Variants in FANCC observed in about 807,000 individuals in gnomAD.
FANCC encodes the protein FA complementation group C.
FANCC carries 55 observed loss-of-function variants against 71.3 expected under a neutral mutation model. That is an observed-to-expected ratio of 0.77 (90% CI 0.62 to 0.97). FANCC has a LOEUF of 0.97. Among genes scored for constraint, FANCC ranks in the 50% least tolerant of loss-of-function variants. The pLI is 0.00. For synonymous variants in FANCC, 275 were observed against 244.9 expected, an observed-to-expected ratio of 1.12 and a Z score of -1.15; for missense variants, 678 against 670.9, an observed-to-expected ratio of 1.01 and a Z score of -0.12.
intron 1 of FANCC, among the ~76,000 whole-genome samples, chr9:95,280,142 C>A (rs1210672513): frequency 2.0e-5 from 3 of 151,840 alleles, no homozygotes; most frequent in African/African-American, 7.2e-5. Context: ...TGTGGCTATA[C>A]TGATATTAAA....
intron 7 of FANCC, among the ~76,000 whole-genome samples, chr9:95,146,316 G>A (rs995784088): frequency 6.6e-6 from 1 of 151,346 alleles, no homozygotes; most frequent in Admixed American, 6.6e-5. Context: ...GTGAAATGCC[G>A]TCTCTACCGA....
chr9:95,284,860 T>TCACA (rs1180807258), intron 1 of FANCC, among the ~76,000 whole-genome samples: 3 of 125,562 alleles, frequency 2.4e-5, no homozygotes, highest in East Asian at 2.7e-4. Context: ...CTCCTCTCTC[T>TCACA]CACACACACA....
chr9:95,099,641 C>A lies in FANCC; in HGVS notation c.*2066G>T. The A allele has an allele frequency of 4.3e-6, 1 of 231,512 alleles. No homozygotes were observed. Among genetic ancestry groups the A allele is most frequent in the South Asian group, 1.8e-4 (1 of 5,498 alleles). 14.3% of individuals were successfully genotyped at this position (231,512 alleles called of 1,614,324 possible). A position where few individuals can be genotyped will look rare whatever the true frequency, so the allele number is the denominator to read the frequency against. ...TCTCAGGCTGGGAAAGGGCAAAGGG[C>A]CACATGAAGCCAGCAGGCACTTCAG... is the stretch of plus-strand genomic sequence containing the variant. On this transcript the variant is annotated 3_prime_UTR_variant, in exon 15 of 15. Coordinates refer to ENST00000289081, the MANE Select transcript of FANCC (RefSeq NM_000136.3).
At chr9:95,140,937 G>A (rs150762105) in intron 7 of FANCC, among the ~76,000 whole-genome samples, 4 of 152,126 alleles carry the variant, frequency 2.6e-5, no homozygotes, top group East Asian at 3.9e-4. Context: ...GCAATTACAC[G>A]TCAATATAAG....
intron 4 of FANCC, among the ~76,000 whole-genome samples, chr9:95,178,500 C>T (rs1189193897): frequency 3.9e-5 from 6 of 152,228 alleles, no homozygotes; most frequent in African/African-American, 1.2e-4. Flanking sequence ...AACGACCTTC[C>T]GGTCTCTTCC....
At chr9:95,253,609 A>G (rs1215319617) in intron 1 of FANCC, among the ~76,000 whole-genome samples, 4 of 152,138 alleles carry the variant, frequency 2.6e-5, no homozygotes, top group African/African-American at 7.2e-5. Context: ...GGTGTCTGAC[A>G]TTAACTTGGA....
Position 95,294,886 on chromosome 9 carries a change from G to A in FANCC, c.-79+22640C>T. ...TTAAAACTACGGACGGGGGACAACA[G>A]TATTAATTCGATTGAATGTGGCTGA... On this transcript the variant is annotated intron_variant, in intron 1 of 14. Transcript: ENST00000289081. 4 of 1,312,960 alleles carry A rather than the reference G, an allele frequency of 3.0e-6. No individual in the cohort carries two copies. In the South Asian group the frequency reaches 7.3e-5, roughly 24 times the overall value. 81.3% of individuals were successfully genotyped at this position (1,312,960 alleles called of 1,614,324 possible). A position where few individuals can be genotyped will look rare whatever the true frequency, so the allele number is the denominator to read the frequency against.
chr9:95,177,628 T>C (rs926678965), intron 4 of FANCC, among the ~76,000 whole-genome samples: 1 of 152,242 alleles, frequency 6.6e-6, no homozygotes, highest in Non-Finnish European at 1.5e-5. Context: ...TCTTTCACTA[T>C]ATCCTTATAT....
At chr9:95,128,923 T>C (rs1032919053) in intron 8 of FANCC, among the ~76,000 whole-genome samples, 1 of 151,084 alleles carries the variant, frequency 6.6e-6, no homozygotes, top group African/African-American at 2.5e-5. Context: ...TTTTTTTTTT[T>C]GAGACAGGGT....
At chr9:95,165,304 G>A (rs1831003888) in intron 6 of FANCC, among the ~76,000 whole-genome samples, 1 of 150,588 alleles carries the variant, frequency 6.6e-6, no homozygotes, top group African/African-American at 2.4e-5. Context: ...GGTTTAGTTT[G>A]TTCTTTTTCT....
intron 4 of FANCC, among the ~76,000 whole-genome samples, chr9:95,181,159 TTGTGTGTGTGTGTGTG>T (rs10692344): frequency 6.7e-6 from 1 of 148,344 alleles, no homozygotes; most frequent in Admixed American, 6.7e-5. Flanking sequence ...CACGTACACA[TTGTGTGTGTGTGTGTG>T]TGTGTGTGTG....
rs66627467 is a variant in FANCC at position 95,141,311 on chromosome 9, C to CAAAA, written c.687-5813_687-5810dup. 6.2e-4 allele frequency among the ~76,000 whole-genome samples: 34 copies of CAAAA among 54,882 alleles called. 1 individual carries two copies. In the East Asian group the frequency reaches 0.019, roughly 31 times the overall value. The allele number at this position is 54,882 out of a possible 152,430, so 36.0% of individuals were successfully genotyped here. ...TGGGTGACAGAGTGAGACCCTGTCT[C>CAAAA]AAAAAAAAAAAAAAAAAAAAAAAAA... On this transcript the variant is annotated intron_variant, in intron 7 of 14. Coordinates refer to ENST00000289081, the MANE Select transcript of FANCC (RefSeq NM_000136.3).
At chr9:95,197,057 A>G (rs1185670087) in intron 4 of FANCC, among the ~76,000 whole-genome samples, 1 of 152,104 alleles carries the variant, frequency 6.6e-6, no homozygotes, top group Non-Finnish European at 1.5e-5. Context: ...GTGTCACTTG[A>G]TTTCTGAGTT....
At chr9:95,104,086 G>A (rs2071258545) in intron 14 of FANCC, among the ~76,000 whole-genome samples, 1 of 152,150 alleles carries the variant, frequency 6.6e-6, no homozygotes, top group South Asian at 2.1e-4. Flanking sequence ...ACCTGCTCGT[G>A]GGCCAAGCAG....
chr9:95,296,505 T>TC (rs1834386156), intron 1 of FANCC, among the ~76,000 whole-genome samples: 1 of 150,176 alleles, frequency 6.7e-6, no homozygotes, highest in East Asian at 1.9e-4. Flanking sequence ...TTGTTAGGCT[T>TC]TTTTTTTTAA....
At chr9:95,145,075 C>T (rs898141398) in intron 7 of FANCC, among the ~76,000 whole-genome samples, 5 of 152,146 alleles carry the variant, frequency 3.3e-5, no homozygotes, top group Admixed American at 1.3e-4. Flanking sequence ...TTAAATCTCA[C>T]TTTCACAAAA....
Position 95,247,510 on chromosome 9 carries a change from TA to T in FANCC, c.171del (p.Asn58IlefsTer24). 1 of 1,612,176 alleles carries T rather than the reference TA, an allele frequency of 6.2e-7. No individual in the cohort carries two copies. ...KMYEALKEMDSNTVIERFPTI... is the reference protein window; with the variant it reads ...KMYEALKEMDXNTVIERFPTI... Reference sequence around the variant, plus strand: ...GTGGGGAATCTTTCAATGACTGTATTAGAATCCTGTGAAAGAAAAATAAATT... The same window carrying T: ...GTGGGGAATCTTTCAATGACTGTATTGAATCCTGTGAAAGAAAAATAAATT... On this transcript the variant is annotated frameshift_variant, in exon 3 of 15. Transcript: ENST00000289081. LOFTEE classifies it high-confidence loss of function.
At chr9:95,264,482 G>C (rs1832264741) in intron 1 of FANCC, among the ~76,000 whole-genome samples, 1 of 152,082 alleles carries the variant, frequency 6.6e-6, no homozygotes, top group Non-Finnish European at 1.5e-5. Flanking sequence ...CCTGTCAGGG[G>C]GACAAGAAAG....
chr9:95,200,862 A>G (rs887617217), intron 4 of FANCC, among the ~76,000 whole-genome samples: 1 of 152,244 alleles, frequency 6.6e-6, no homozygotes, highest in African/African-American at 2.4e-5. Context: ...TAAAAGGCGC[A>G]TATTTTAACT....
Sources: allele counts gnomAD v4.1 joint callset (sites outside exome capture counted in the v4.1 genomes callset), GRCh38; gene constraint gnomAD v4.1.1; transcripts MANE v1.5; gene names NCBI Gene and HGNC (gene_info 2026-07-23, HGNC 2026-07-21).